The following NADSYN1 variants were observed in gnomAD, a reference collection of about 807,000 sequenced individuals.
The protein encoded by NADSYN1 is glutamine-dependent NAD(+) synthetase.
NADSYN1 carries 80 observed loss-of-function variants against 99.3 expected under a neutral mutation model. That is an observed-to-expected ratio of 0.81 (90% CI 0.67 to 0.97). The LOEUF (loss-of-function observed/expected upper bound fraction) is 0.97, where lower values mean the gene tolerates loss of function less well. Ranked by LOEUF, NADSYN1 falls within the 50% of genes least tolerant of loss-of-function variation. The pLI is 0.00. For synonymous variants in NADSYN1, 385 were observed against 372.1 expected, an observed-to-expected ratio of 1.03 and a Z score of -0.40; for missense variants, 859 against 948.5, an observed-to-expected ratio of 0.91 and a Z score of 1.24.
chr11:71,493,109 G>A (rs1349152976), intron 18 of NADSYN1, among the ~76,000 whole-genome samples: 1 of 152,052 alleles, frequency 6.6e-6, no homozygotes, highest in East Asian at 1.9e-4. Context: ...AGAACATGAG[G>A]CCTCGGACTC....
chr11:71,483,554 C>T (rs1014400894), intron 14 of NADSYN1, among the ~76,000 whole-genome samples: 8 of 152,132 alleles, frequency 5.3e-5, no homozygotes, highest in Non-Finnish European at 1.0e-4. Context: ...GGCACCTTTC[C>T]GGAGAAGAAA....
At chr11:71,493,527 C>T (rs1007174458) in intron 18 of NADSYN1, among the ~76,000 whole-genome samples, 4 of 151,920 alleles carry the variant, frequency 2.6e-5, no homozygotes, top group African/African-American at 9.7e-5. Flanking sequence ...CAGGCCCAGG[C>T]TGATGGATGT....
At chr11:71,475,905 G>A (rs1949662370) in intron 9 of NADSYN1, 1 of 402,508 alleles carries the variant, frequency 2.5e-6, no homozygotes, top group Admixed American at 2.9e-5. Context: ...GTAGAGACAG[G>A]GTTTCACTGT....
At chr11:71,499,453 A>C (rs1262635836) in intron 20 of NADSYN1, 26 of 152,236 alleles carry the variant, frequency 1.7e-4, no homozygotes, top group Admixed American at 1.7e-3. Context: ...CTGGCATTAC[A>C]TAAACTAAAA....
At chr11:71,479,391 C>G (rs974937283) in intron 10 of NADSYN1, 1 of 151,960 alleles carries the variant, frequency 6.6e-6, no homozygotes, top group African/African-American at 2.4e-5. Context: ...CTACCGTGCC[C>G]AGCCTTTTTT....
intron 3 of NADSYN1, among the ~76,000 whole-genome samples, chr11:71,460,472 T>G (rs965189210): frequency 1.3e-5 from 2 of 152,246 alleles, no homozygotes; most frequent in Non-Finnish European, 2.9e-5. Flanking sequence ...CATCTCAGCC[T>G]CCTGAGTACC....
intron 9 of NADSYN1, chr11:71,477,432 C>A: frequency 7.8e-7 from 1 of 1,289,760 alleles, no homozygotes; most frequent in Non-Finnish European, 1.0e-6. Context: ...TGGGCATCTC[C>A]GGCCAGGTAT....
intron 14 of NADSYN1, 32 bp downstream of exon 14, chr11:71,483,049 G>A (rs775360953): frequency 6.2e-7 from 1 of 1,610,258 alleles, no homozygotes; most frequent in Non-Finnish European, 8.5e-7. Flanking sequence ...GGGCATGGCA[G>A]GTGGCTGACA....
At chr11:71,471,433 C>A (rs1949626063) in intron 5 of NADSYN1, among the ~76,000 whole-genome samples, 1 of 152,212 alleles carries the variant, frequency 6.6e-6, no homozygotes, top group South Asian at 2.1e-4. Flanking sequence ...CTGGTCCTTG[C>A]CTGCAGAGAG....
Position 71,473,653 on chromosome 11 carries a change from C to A in NADSYN1, c.633C>A (p.Thr211=). Residue 211 remains threonine (T), a synonymous_variant, in exon 8 of 21, where the codon ACC becomes ACA. Transcript: ENST00000319023. The stretch of plus-strand genomic sequence containing the variant: ...ACCAAGTGCTGCGCAAAGCCAACAC[C>A]AGGGTGGATCTCGTGACTATGGTCA... ...GSHQVLRKAN[T]RVDLVTMVTS... is the part of the protein sequence containing the mutation. 3.1e-6 allele frequency: 5 copies of A among 1,613,098 alleles called. No homozygotes were observed. Among genetic ancestry groups the A allele is most frequent in the Non-Finnish European group, 4.2e-6 (5 of 1,179,756 alleles).
At chr11:71,469,112 T>C (rs993323390) in intron 5 of NADSYN1, among the ~76,000 whole-genome samples, 1 of 152,020 alleles carries the variant, frequency 6.6e-6, no homozygotes, top group Non-Finnish European at 1.5e-5. Flanking sequence ...AAACTGGCTC[T>C]AATATTTCCA....
rs2120538099 is a variant in NADSYN1, at chr11:71,501,452, G to A, written c.*100G>A. On this transcript the variant is annotated 3_prime_UTR_variant, in exon 21 of 21. Coordinates refer to ENST00000319023, the MANE Select transcript of NADSYN1 (RefSeq NM_018161.5). ...GTAGGAGCCCTACACTAGGAGCCCA[G>A]GATGGGACGGCGCATCAGCCGAGAG... is the stretch of plus-strand genomic sequence containing the variant. The A allele has an allele frequency of 6.1e-6, 7 of 1,153,510 alleles. No individual in the cohort carries two copies. In the East Asian group the frequency reaches 1.8e-4, roughly 30 times the overall value. 71.5% of individuals were successfully genotyped at this position (1,153,510 alleles called of 1,614,324 possible).
Position 71,458,510 on chromosome 11 carries a change from C to T in NADSYN1, c.229C>T (p.Pro77Ser), listed in dbSNP as rs373928699. The change falls in exon 3 of 21, where the codon CCC (proline) becomes TCC (serine). Residue 77 changes from proline (P) to serine (S), a missense_variant. Pro to Ser is a moderately conservative substitution (Grantham distance 74, BLOSUM62 -1). Coordinates refer to ENST00000319023, the MANE Select transcript of NADSYN1 (RefSeq NM_018161.5). ...FQVLAALVES[P>S]VTQDIICDVG... ...AGTCCTAGCGGCCCTTGTGGAGTCT[C>T]CCGTCACTCAGGACATCATCTGCGA... The T allele has an allele frequency of 4.5e-5, 72 of 1,612,864 alleles. 1 individual carries two copies. Among genetic ancestry groups the T allele is most frequent in the Non-Finnish European group, 2.5e-6 (3 of 1,178,952 alleles).
At chr11:71,464,867 C>CAAAA (rs926724365) in intron 5 of NADSYN1, among the ~76,000 whole-genome samples, 4 of 40,512 alleles carry the variant, frequency 9.9e-5, no homozygotes, top group East Asian at 1.6e-3. Context: ...GACTCTGTCT[C>CAAAA]AAAAAAAAAA....
chr11:71,477,387 A>G, intron 9 of NADSYN1: 2 of 1,289,740 alleles, frequency 1.6e-6, no homozygotes, highest in Non-Finnish European at 2.0e-6. Context: ...CAGCCAGAGA[A>G]CCACAGGATG....
In NADSYN1 at chr11:71,501,461, G is replaced by A. The variant is rs751948706; in HGVS notation, c.*109G>A. The A allele has an allele frequency of 5.1e-5, 54 of 1,052,162 alleles. 2 individuals carry two copies. Among genetic ancestry groups the A allele is most frequent in the South Asian group, 3.2e-4 (22 of 69,400 alleles). The allele number at this position is 1,052,162 out of a possible 1,614,324, so 65.2% of individuals were successfully genotyped here. ...CTACACTAGGAGCCCAGGATGGGAC[G>A]GCGCATCAGCCGAGAGGGAGGGAAC... On this transcript the variant is annotated 3_prime_UTR_variant, in exon 21 of 21. Coordinates refer to ENST00000319023, the MANE Select transcript of NADSYN1 (RefSeq NM_018161.5).
At chr11:71,482,782 G>T (rs752445178) in intron 13 of NADSYN1, 67 bp from the exon 14 acceptor site, 9 of 1,561,890 alleles carry the variant, frequency 5.8e-6, no homozygotes, top group Non-Finnish European at 7.8e-6. Context: ...TGTAGACCGG[G>T]GTGGAACTAT....
At position 71,482,967 on chromosome 11, in the gene NADSYN1, C is replaced by A. The variant is rs767859400; in HGVS notation, c.1269C>A (p.Ser423=). The change falls in exon 14 of 21, where the codon TCC becomes TCA. Residue 423 remains serine (S), a synonymous_variant. Coordinates refer to ENST00000319023, the MANE Select transcript of NADSYN1 (RefSeq NM_018161.5). ...LTTCYMASKN[S]SQETCTRARE... ...CCTGCTACATGGCCAGCAAGAACTCCTCCCAGGAGACGTGCACCCGGGCCA... is the reference window on the plus strand; with the variant it reads ...CCTGCTACATGGCCAGCAAGAACTCATCCCAGGAGACGTGCACCCGGGCCA... 1 of 1,612,982 alleles carries A rather than the reference C, an allele frequency of 6.2e-7. No individual in the cohort carries two copies. Among genetic ancestry groups the A allele is most frequent in the Non-Finnish European group, 8.5e-7 (1 of 1,179,626 alleles).
rs1056494063 is a variant in NADSYN1, at chr11:71,482,889, G to C, written c.1191G>C (p.Gln397His). 1.2e-6 allele frequency: 2 copies of C among 1,613,144 alleles called. No individual in the cohort carries two copies. Among genetic ancestry groups the C allele is most frequent in the Non-Finnish European group, 1.7e-6 (2 of 1,179,604 alleles). The change falls in exon 14 of 21, where the codon CAG becomes CAC. Residue 397 changes from glutamine to histidine, a missense_variant. Gln to His is a conservative substitution (Grantham distance 24). Coordinates refer to ENST00000319023, the MANE Select transcript of NADSYN1 (RefSeq NM_018161.5). ...CTGATGTCCGCACCATCGTGAACCA[G>C]ATCAGCTACACCCCCCAGGATCCCC... ...VLADVRTIVNQISYTPQDPRD... is the reference protein window; with the variant it reads ...VLADVRTIVNHISYTPQDPRD...
Sources: allele counts gnomAD v4.1 joint callset (sites outside exome capture counted in the v4.1 genomes callset), GRCh38; gene constraint gnomAD v4.1.1; transcripts MANE v1.5; gene names NCBI Gene and HGNC (gene_info 2026-07-23, HGNC 2026-07-21).